Variants in FOXN3 observed in about 807,000 individuals in gnomAD.
FOXN3 encodes forkhead box protein N3.
FOXN3 carries 7 observed loss-of-function variants against 38.4 expected under a neutral mutation model. The observed-to-expected ratio is 0.18, with a 90% CI of 0.10 to 0.34. The LOEUF is 0.34. FOXN3 is among the 10% of genes least tolerant of loss of function. FOXN3 has a pLI of 1.00. For synonymous variants in FOXN3, 230 were observed against 242.2 expected, an observed-to-expected ratio of 0.95 and a Z score of 0.47; for missense variants, 456 against 613.4, an observed-to-expected ratio of 0.74 and a Z score of 2.71.
chr14:89,617,344 T>G (rs1469614063), intron 1 of FOXN3, among the ~76,000 whole-genome samples: 1 of 152,250 alleles, frequency 6.6e-6, no homozygotes, highest in African/African-American at 2.4e-5. Context: ...CAGAATGCCC[T>G]TCCTCTTGGA....
chr14:89,476,678 T>G (rs562739212), intron 1 of FOXN3, among the ~76,000 whole-genome samples: 1 of 152,306 alleles, frequency 6.6e-6, no homozygotes, highest in East Asian at 1.9e-4. Flanking sequence ...CACCTCTGCC[T>G]TCGCAGGGGG....
At chr14:89,309,025 T>G (rs528640564) in intron 3 of FOXN3, among the ~76,000 whole-genome samples, 1 of 152,288 alleles carries the variant, frequency 6.6e-6, no homozygotes, top group South Asian at 2.1e-4. Context: ...GGCCTGTGTA[T>G]GGGATTTCCT....
At chr14:89,360,200 C>T (rs1302581864) in intron 2 of FOXN3, among the ~76,000 whole-genome samples, 2 of 152,152 alleles carry the variant, frequency 1.3e-5, no homozygotes, top group Non-Finnish European at 2.9e-5. Context: ...CTGCCTCCTC[C>T]TCTGGACCTG....
chr14:89,296,182 C>T (rs17125622), intron 3 of FOXN3, among the ~76,000 whole-genome samples: 1,940 of 150,032 alleles, frequency 0.013, 41 homozygotes, highest in African/African-American at 0.047. Context: ...TGAAAAAACT[C>T]TGCTTAAAAC....
At chr14:89,609,985 T>A (rs1302525800) in intron 1 of FOXN3, among the ~76,000 whole-genome samples, 2 of 152,184 alleles carry the variant, frequency 1.3e-5, no homozygotes, top group African/African-American at 4.8e-5. Flanking sequence ...AGGGCCCTTA[T>A]GGATAATTTC....
chr14:89,470,313 T>C (rs1341192381), intron 1 of FOXN3, among the ~76,000 whole-genome samples: 4 of 150,950 alleles, frequency 2.6e-5, no homozygotes, highest in Non-Finnish European at 5.9e-5. Context: ...AAAAAAGCAT[T>C]AAATGCAGTT....
At chr14:89,513,394 T>G (rs1003812069) in intron 1 of FOXN3, among the ~76,000 whole-genome samples, 1 of 151,350 alleles carries the variant, frequency 6.6e-6, no homozygotes, top group Admixed American at 6.6e-5. Context: ...CCAGCCAATT[T>G]TTTTGTTTTG....
At chr14:89,588,372 C>T (rs1895887029) in intron 1 of FOXN3, among the ~76,000 whole-genome samples, 1 of 151,726 alleles carries the variant, frequency 6.6e-6, no homozygotes, top group Admixed American at 6.6e-5. Context: ...CAAGAATCAC[C>T]TAATATAGGA....
chr14:89,246,818 C>T (rs1885313860), intron 4 of FOXN3, among the ~76,000 whole-genome samples: 2 of 151,984 alleles, frequency 1.3e-5, no homozygotes, highest in Non-Finnish European at 2.9e-5. Context: ...GGATTACAAG[C>T]GTGAGCCACT....
At chr14:89,589,104 CA>C (rs199583482) in intron 1 of FOXN3, among the ~76,000 whole-genome samples, 15 of 150,948 alleles carry the variant, frequency 9.9e-5, no homozygotes, top group South Asian at 4.2e-4. Context: ...AAACATCTAC[CA>C]AAAAAAAATT....
At chr14:89,507,121 A>AG in intron 1 of FOXN3, among the ~76,000 whole-genome samples, 1 of 96,412 alleles carries the variant, frequency 1.0e-5, no homozygotes, top group Non-Finnish European at 2.8e-5. Flanking sequence ...AGAATGATCA[A>AG]TAAAAAAAAA....
intron 4 of FOXN3, among the ~76,000 whole-genome samples, chr14:89,265,013 C>T (rs976508306): frequency 2.6e-5 from 4 of 152,138 alleles, no homozygotes; most frequent in Admixed American, 2.0e-4. Context: ...CCAAGAGGCA[C>T]CAGTCACCAA....
intron 1 of FOXN3, among the ~76,000 whole-genome samples, chr14:89,513,616 C>T (rs911714133): frequency 4.6e-5 from 7 of 150,928 alleles, no homozygotes; most frequent in East Asian, 2.0e-4. Context: ...TTTTTTGAGA[C>T]GGAATTTCAC....
intron 1 of FOXN3, among the ~76,000 whole-genome samples, chr14:89,483,461 T>C (rs1424597052): frequency 6.6e-6 from 1 of 152,210 alleles, no homozygotes; most frequent in Admixed American, 6.5e-5. Context: ...CAGGTTGGAA[T>C]GCAATAGCGC....
intron 1 of FOXN3, among the ~76,000 whole-genome samples, chr14:89,456,318 A>G (rs1029877332): frequency 6.6e-5 from 10 of 152,080 alleles, no homozygotes; most frequent in Admixed American, 2.0e-4. Context: ...TCCCAGGCCC[A>G]TTTATACCAG....
rs1343796528 is a variant in FOXN3 at position 89,363,966 on chromosome 14, ATATATATATATATATATATATAAT to A, written c.544-13182_544-13159del. Among the ~76,000 whole-genome samples the A allele has an allele frequency of 1.7e-4, 8 of 46,200 alleles. 1 individual carries two copies. Among genetic ancestry groups the A allele is most frequent in the African/African-American group, 2.9e-4 (3 of 10,362 alleles). The allele number at this position is 46,200 out of a possible 152,430, so 30.3% of individuals were successfully genotyped here. On this transcript the variant is annotated intron_variant, in intron 2 of 5. Coordinates refer to ENST00000557258, the MANE Select transcript of FOXN3 (RefSeq NM_005197.4). ...CTGTAAAATATATATATATATATAT[ATATATATATATATATATATATAAT>A]ATATATATATATTCTTCCATATCAA...
At chr14:89,192,484 C>A (rs1462664555) in intron 4 of FOXN3, among the ~76,000 whole-genome samples, 1 of 139,984 alleles carries the variant, frequency 7.1e-6, no homozygotes, top group Non-Finnish European at 1.5e-5. Context: ...TATACTATTA[C>A]ATATAATAGT....
intron 3 of FOXN3, among the ~76,000 whole-genome samples, chr14:89,306,330 G>A (rs1027501541): frequency 7.0e-5 from 8 of 114,696 alleles, no homozygotes; most frequent in African/African-American, 1.7e-4. Flanking sequence ...ACACACAGAC[G>A]CATGCACACA....
rs187333277 is a variant in FOXN3 at position 89,356,541 on chromosome 14, T to C, written c.544-5733A>G. The C allele has an allele frequency of 4.6e-5, 7 of 152,296 alleles. No individual in the cohort carries two copies. The East Asian group carries it at 9.6e-4, about 21-fold the overall frequency. The allele number at this position is 152,296 out of a possible 1,614,324, so 9.4% of individuals were successfully genotyped here. ...TTGTAACCCTGTAAAGCTGATGAGA[T>C]ATTAAAACAAGACAAAAACTGAAAA... On this transcript the variant is annotated intron_variant, in intron 2 of 5. Transcript: ENST00000557258.
Sources: gnomAD v4.1 joint callset for allele counts (sites outside exome capture counted in the v4.1 genomes callset) on GRCh38, gnomAD v4.1.1 for gene constraint, MANE v1.5 for transcripts, NCBI Gene and HGNC (gene_info 2026-07-23, HGNC 2026-07-21) for gene names.